ATP2C2: variants seen among roughly 807,000 people sequenced by gnomAD.
ATP2C2 encodes the protein ATPase secretory pathway Ca2+ transporting 2, also known as calcium-transporting ATPase type 2C member 2.
In ATP2C2, 171 loss-of-function variants were observed where a neutral mutation model predicts 110.8. That is an observed-to-expected ratio of 1.54 (90% CI 1.36 to 1.75). The LOEUF is 1.75. ATP2C2 is among the 40% of genes most tolerant of loss of function. ATP2C2 has a pLI of 0.00. For missense variants in ATP2C2, 1,963 were observed against 1,235.0 expected (o/e 1.59, Z -8.84); for synonymous variants, 804 against 508.4 (o/e 1.58, Z -7.82).
chr16:84,391,996 C>G (rs1904693462), intron 1 of ATP2C2, among the ~76,000 whole-genome samples: 1 of 150,400 alleles, frequency 6.6e-6, no homozygotes, highest in South Asian at 2.1e-4. Flanking sequence ...GATGACATAT[C>G]AGTGACGTCT....
chr16:84,453,737 G>A (rs948716562), intron 20 of ATP2C2, among the ~76,000 whole-genome samples: 1 of 152,074 alleles, frequency 6.6e-6, no homozygotes, highest in Non-Finnish European at 1.5e-5. Context: ...TAATTTTAAA[G>A]AAGATGGGAG....
Position 84,455,692 on chromosome 16 carries a change from G to T in ATP2C2, c.2147+708G>T, listed in dbSNP as rs142206530. 3.3e-5 allele frequency among the ~76,000 whole-genome samples: 5 copies of T among 151,578 alleles called. No homozygotes were observed. The East Asian group carries it at 9.7e-4, about 29-fold the overall frequency. Reference sequence around the variant, plus strand: ...AACAAATATTGAGGCTAGGTGGATCGTGCACTTTACAAAGGTGTCTCCACA... The same window carrying T: ...AACAAATATTGAGGCTAGGTGGATCTTGCACTTTACAAAGGTGTCTCCACA... On this transcript the variant is annotated intron_variant, in intron 21 of 26. Coordinates refer to ENST00000262429, the MANE Select transcript of ATP2C2 (RefSeq NM_014861.4).
intron 4 of ATP2C2, among the ~76,000 whole-genome samples, chr16:84,409,342 C>G (rs1260518600): frequency 1.3e-5 from 2 of 152,088 alleles, no homozygotes; most frequent in Non-Finnish European, 2.9e-5. Flanking sequence ...GGAGAAATAC[C>G]TAATGTAAAT....
In ATP2C2 at chr16:84,461,738, C is replaced by G. The variant is rs1024356953; in HGVS notation, c.2506C>G (p.Pro836Ala). The change falls in exon 25 of 27, where the codon CCC becomes GCC. Residue 836 changes from proline to alanine, a missense_variant. Coordinates refer to ENST00000262429, the MANE Select transcript of ATP2C2 (RefSeq NM_014861.4). ...KEMPEDRAST[P>A]RTTTMTFTCF... ...GATGCCTGAAGACAGAGCAAGCACTCCCCGCACCACGACGATGACGTTCAC... is the reference window on the plus strand; with the variant it reads ...GATGCCTGAAGACAGAGCAAGCACTGCCCGCACCACGACGATGACGTTCAC... 15 of 1,614,078 alleles carry G rather than the reference C, an allele frequency of 9.3e-6. No homozygotes were observed. Among genetic ancestry groups the G allele is most frequent in the Middle Eastern group, 1.6e-4 (1 of 6,084 alleles).
intron 3 of ATP2C2, 75 bp downstream of exon 3, chr16:84,405,319 A>G (rs922894671): frequency 1.2e-5 from 15 of 1,278,386 alleles, no homozygotes; most frequent in African/African-American, 7.4e-5. Context: ...CCATCTTTCA[A>G]TGTTGATGGA....
At chr16:84,460,114 A>C (rs1911135380) in intron 23 of ATP2C2, 4 of 200,246 alleles carry the variant, frequency 2.0e-5, no homozygotes, top group African/African-American at 9.3e-5. Flanking sequence ...CCCAAAGCCA[A>C]GTGTGAGGGT....
chr16:84,397,661 A>AAAAAAAAAAAAAAAAAAC, intron 1 of ATP2C2, among the ~76,000 whole-genome samples: 1 of 146,354 alleles, frequency 6.8e-6, no homozygotes, highest in Admixed American at 6.9e-5. Context: ...GTGACAAAAA[A>AAAAAAAAAAAAAAAAAAC]AAAAAAAAAA....
intron 11 of ATP2C2, among the ~76,000 whole-genome samples, chr16:84,429,018 G>T (rs1283530721): frequency 6.6e-6 from 1 of 152,154 alleles, no homozygotes; most frequent in Non-Finnish European, 1.5e-5. Context: ...CCTGCGAAAG[G>T]GCATCTTAGG....
At chr16:84,444,022 C>T (rs569587307) in intron 15 of ATP2C2, among the ~76,000 whole-genome samples, 2 of 152,054 alleles carry the variant, frequency 1.3e-5, no homozygotes, top group East Asian at 3.9e-4. Context: ...TAAAAATTAG[C>T]TGGGCATGGT....
intron 3 of ATP2C2, chr16:84,407,469 A>G (rs990727413): frequency 6.6e-6 from 1 of 151,984 alleles, no homozygotes; most frequent in Non-Finnish European, 1.5e-5. Context: ...GACCAGGTGC[A>G]TTATTATTAT....
At chr16:84,374,348 C>T (rs1910133292) in intron 1 of ATP2C2, among the ~76,000 whole-genome samples, 1 of 152,284 alleles carries the variant, frequency 6.6e-6, no homozygotes, top group African/African-American at 2.4e-5. Context: ...ACAGTGTGTG[C>T]TGTGATGGTT....
intron 6 of ATP2C2, chr16:84,411,004 C>T (rs908006517): frequency 7.1e-6 from 4 of 561,206 alleles, no homozygotes; most frequent in Non-Finnish European, 1.3e-5. Context: ...GGGTGCCTAG[C>T]CTGAGGACCA....
chr16:84,454,529 A>G (rs570145117), intron 20 of ATP2C2, among the ~76,000 whole-genome samples: 6 of 152,270 alleles, frequency 3.9e-5, no homozygotes, highest in African/African-American at 1.4e-4. Flanking sequence ...GATAACCTTT[A>G]TGAGCCTTTA....
Position 84,380,337 on chromosome 16 carries a change from G to A in ATP2C2, c.99+11623G>A, listed in dbSNP as rs190874064. Among the ~76,000 whole-genome samples, 1,201 of 152,206 alleles carry A rather than the reference G, an allele frequency of 7.9e-3. 68 individuals carry two copies. Among genetic ancestry groups the A allele is most frequent in the Admixed American group, 0.071 (1,089 of 15,286 alleles). On this transcript the variant is annotated intron_variant, in intron 1 of 26. Transcript: ENST00000262429. ...GTTTATCTACTATCTTGTGTGAACC[G>A]GGAATTGTATGTTTTTTTTCTTCTT...
chr16:84,431,887 C>T (rs1001431409), intron 11 of ATP2C2, among the ~76,000 whole-genome samples: 6 of 152,114 alleles, frequency 3.9e-5, no homozygotes, highest in African/African-American at 7.2e-5. Flanking sequence ...CAGCTTATTA[C>T]AGAAGCGGGG....
At chr16:84,462,154 A>AC in intron 26 of ATP2C2, 25 bp downstream of exon 26, 1 of 1,603,706 alleles carries the variant, frequency 6.2e-7, no homozygotes, top group Non-Finnish European at 8.5e-7. Context: ...CGGGAACGAC[A>AC]GGTGACCTCG....
At chr16:84,417,322 G>A (rs547679572) in intron 7 of ATP2C2, among the ~76,000 whole-genome samples, 10 of 152,236 alleles carry the variant, frequency 6.6e-5, no homozygotes, top group African/African-American at 1.9e-4. Context: ...GCGTGACTCG[G>A]GGAAGGAATT....
Position 84,451,932 on chromosome 16 carries a change from G to A in ATP2C2, c.1672G>A (p.Ala558Thr), listed in dbSNP as rs1002212198. ...GSLGLRVLALASGPELGRLTF... is the reference protein window; with the variant it reads ...GSLGLRVLALTSGPELGRLTF... ...CCCTCTCTCCTCAGTGCTGGCCCTG[G>A]CTTCTGGGCCCGAGCTGGGGCGGCT... Residue 558 changes from alanine (A) to threonine (T), a missense_variant, in exon 18 of 27, where the codon GCT becomes ACT. Coordinates refer to ENST00000262429, the MANE Select transcript of ATP2C2 (RefSeq NM_014861.4). 3 of 1,613,880 alleles carry A rather than the reference G, an allele frequency of 1.9e-6. No homozygotes were observed. Among genetic ancestry groups the A allele is most frequent in the Admixed American group, 3.3e-5 (2 of 59,986 alleles).
chr16:84,407,866 C>T (rs1905915425), intron 3 of ATP2C2, among the ~76,000 whole-genome samples: 1 of 152,184 alleles, frequency 6.6e-6, no homozygotes, highest in Non-Finnish European at 1.5e-5. Context: ...TCCTCTGTAA[C>T]ATGAGCTACC....
Sources: allele counts gnomAD v4.1 joint callset (sites outside exome capture counted in the v4.1 genomes callset), GRCh38; gene constraint gnomAD v4.1.1; transcripts MANE v1.5; gene names NCBI Gene and HGNC (gene_info 2026-07-23, HGNC 2026-07-21).